Variants in CSMD1 observed in about 807,000 individuals in gnomAD.
The protein encoded by CSMD1 is CUB and Sushi multiple domains 1.
A neutral mutation model predicts 417.5 loss-of-function variants in CSMD1; 213 were observed. The observed-to-expected ratio is 0.51, with a 90% CI of 0.46 to 0.57. The LOEUF is 0.57. CSMD1 is among the 20% of genes least tolerant of loss of function. The pLI is 0.00. For synonymous variants in CSMD1, 2,862 were observed against 1,736.8 expected (o/e 1.65, Z -16.11); for missense variants, 6,923 against 4,529.7 (o/e 1.53, Z -15.17).
intron 1 of CSMD1, among the ~76,000 whole-genome samples, chr8:4,883,074 G>A (rs554437343): frequency 6.6e-6 from 1 of 152,210 alleles, no homozygotes; most frequent in Non-Finnish European, 1.5e-5. Context: ...AAGAGCACTA[G>A]CAGAGAAAAT....
In CSMD1 at chr8:2,942,545, C is replaced by A; in HGVS notation, c.10462G>T (p.Val3488Leu). The A allele has an allele frequency of 6.2e-7, 1 of 1,610,184 alleles. No individual in the cohort carries two copies. The highest frequency in any genetic ancestry group is 8.5e-7 in the Non-Finnish European group (1 of 1,177,928). Residue 3488 changes from valine (V) to leucine (L), a missense_variant, in exon 69 of 70, where the codon GTG becomes TTG. Transcript: ENST00000635120. ...SHYHGTSSGSVAAAILVPFFA... is the reference protein window; with the variant it reads ...SHYHGTSSGSLAAAILVPFFA... ...AAAGGAACCAGAATGGCAGCCGCCA[C>A]AGAGCCACTGCTGGTGCCGTGGTAA... is the stretch of plus-strand genomic sequence containing the variant.
chr8:3,453,410 T>C (rs147542164), intron 12 of CSMD1, among the ~76,000 whole-genome samples: 1,871 of 152,290 alleles, frequency 0.012, 43 homozygotes, highest in African/African-American at 0.043. Context: ...TGTTAGGATG[T>C]CAATTTTAGA....
intron 5 of CSMD1, among the ~76,000 whole-genome samples, chr8:3,898,204 A>G (rs900846261): frequency 6.6e-6 from 1 of 152,198 alleles, no homozygotes; most frequent in Non-Finnish European, 1.5e-5. Context: ...GCTTATGAGT[A>G]TGGAAAATTC....
intron 3 of CSMD1, among the ~76,000 whole-genome samples, chr8:4,177,899 A>G (rs910505748): frequency 3.3e-5 from 5 of 151,958 alleles, no homozygotes; most frequent in African/African-American, 1.2e-4. Context: ...AAATCTCTGA[A>G]TAGACCAATA....
intron 3 of CSMD1, among the ~76,000 whole-genome samples, chr8:4,124,061 A>G (rs1302063503): frequency 6.6e-6 from 1 of 152,136 alleles, no homozygotes; most frequent in Non-Finnish European, 1.5e-5. Flanking sequence ...CATTCCCAAC[A>G]CACAGACTTC....
chr8:3,870,571 T>G (rs552582295), intron 5 of CSMD1, among the ~76,000 whole-genome samples: 16 of 152,286 alleles, frequency 1.1e-4, no homozygotes, highest in African/African-American at 3.6e-4. Flanking sequence ...TCTCTCCAAC[T>G]ATTTGTAACA....
intron 5 of CSMD1, among the ~76,000 whole-genome samples, chr8:3,851,949 G>C (rs570836794): frequency 1.3e-5 from 2 of 152,280 alleles, no homozygotes; most frequent in South Asian, 2.1e-4. Context: ...ATGTGAGCTA[G>C]AGAGATAGCA....
rs112369784 is a variant in CSMD1 at position 3,904,749 on chromosome 8, A to G, written c.818+93154T>C. ...CCTCCCGGGTTCAAGTGATTCTCATACCTCAGCCTCCCAAGTAGCTGAGAT... is the reference window on the plus strand; with the variant it reads ...CCTCCCGGGTTCAAGTGATTCTCATGCCTCAGCCTCCCAAGTAGCTGAGAT... On this transcript the variant is annotated intron_variant, in intron 5 of 69. Transcript: ENST00000635120. Among the ~76,000 whole-genome samples, 1,411 of 150,002 alleles carry G rather than the reference A, an allele frequency of 9.4e-3. 10 individuals carry two copies. The highest frequency in any genetic ancestry group is 0.011 in the African/African-American group (452 of 40,658).
intron 2 of CSMD1, among the ~76,000 whole-genome samples, chr8:4,493,950 G>T (rs150045123): frequency 6.6e-6 from 1 of 152,062 alleles, no homozygotes; most frequent in Non-Finnish European, 1.5e-5. Flanking sequence ...TGGTTAAAAA[G>T]GTCAACTTGG....
chr8:4,407,077 G>T (rs1225448134), intron 3 of CSMD1, among the ~76,000 whole-genome samples: 1 of 152,118 alleles, frequency 6.6e-6, no homozygotes, highest in East Asian at 1.9e-4. Flanking sequence ...CTCAAGTATT[G>T]TCTATGGCGC....
chr8:3,947,948 G>A (rs574711997), intron 5 of CSMD1, among the ~76,000 whole-genome samples: 3 of 152,176 alleles, frequency 2.0e-5, no homozygotes, highest in Admixed American at 6.5e-5. Flanking sequence ...TCTCATGCCT[G>A]TAATCCCAGC....
At chr8:4,791,074 GAGAGACGGTGAGAGAGACGGTGAGA>G (rs1797661216) in intron 1 of CSMD1, among the ~76,000 whole-genome samples, 1 of 152,016 alleles carries the variant, frequency 6.6e-6, no homozygotes, top group Non-Finnish European at 1.5e-5. Flanking sequence ...GAGACGGTGA[GAGAGACGGTGAGAGAGACGGTGAGA>G]AGAGACGGGG....
chr8:3,810,436 G>A (rs772522568), intron 5 of CSMD1, among the ~76,000 whole-genome samples: 2 of 152,120 alleles, frequency 1.3e-5, no homozygotes, highest in East Asian at 1.9e-4. Flanking sequence ...AGAAGGGATC[G>A]AAGGGAGCAC....
At chr8:4,017,192 CT>C (rs920571765) in intron 4 of CSMD1, among the ~76,000 whole-genome samples, 2 of 152,136 alleles carry the variant, frequency 1.3e-5, no homozygotes, top group African/African-American at 4.8e-5. Flanking sequence ...TTCTAGATAT[CT>C]TTTTTTAAAG....
At chr8:4,403,281 C>T (rs1804775204) in intron 3 of CSMD1, among the ~76,000 whole-genome samples, 1 of 152,136 alleles carries the variant, frequency 6.6e-6, no homozygotes, top group African/African-American at 2.4e-5. Context: ...ATGAACATAA[C>T]TCTTCTCTTC....
intron 2 of CSMD1, among the ~76,000 whole-genome samples, chr8:4,588,171 A>T (rs1249542096): frequency 6.6e-6 from 1 of 152,106 alleles, no homozygotes; most frequent in Non-Finnish European, 1.5e-5. Flanking sequence ...GTAAAATGAT[A>T]TCAAACATTT....
intron 30 of CSMD1, among the ~76,000 whole-genome samples, chr8:3,212,161 G>A (rs1025278084): frequency 7.2e-5 from 11 of 152,170 alleles, no homozygotes; most frequent in Non-Finnish European, 1.3e-4. Flanking sequence ...TGAGCACGCT[G>A]AGTTCTATTT....
intron 5 of CSMD1, among the ~76,000 whole-genome samples, chr8:3,880,214 A>G (rs558408807): frequency 1.3e-5 from 2 of 152,274 alleles, no homozygotes; most frequent in South Asian, 4.1e-4. Context: ...AAATAATGCA[A>G]TTTCAGGTGC....
intron 23 of CSMD1, among the ~76,000 whole-genome samples, chr8:3,315,831 G>C (rs1010899769): frequency 1.3e-5 from 2 of 152,100 alleles, no homozygotes; most frequent in Non-Finnish European, 2.9e-5. Context: ...CATAAAGCAA[G>C]TTAATCATAC....
Sources: allele counts gnomAD v4.1 joint callset (sites outside exome capture counted in the v4.1 genomes callset), GRCh38; gene constraint gnomAD v4.1.1; transcripts MANE v1.5; gene names NCBI Gene and HGNC (gene_info 2026-07-23, HGNC 2026-07-21).